The following MCPH1 variants were observed in gnomAD, a reference collection of about 807,000 sequenced individuals.
MCPH1 encodes microcephalin 1.
In MCPH1, 104 loss-of-function variants were observed where a neutral mutation model predicts 84.5. The observed-to-expected ratio is 1.23, with a 90% CI of 1.05 to 1.45. The LOEUF is 1.45. Ranked by LOEUF, MCPH1 falls within the 40% of genes most tolerant of loss-of-function variation. The pLI, the probability that MCPH1 is intolerant of heterozygous loss-of-function variation, is 0.00. For synonymous variants in MCPH1, 514 were observed against 366.8 expected (o/e 1.40, Z -4.58); for missense variants, 1,498 against 1,005.7 (o/e 1.49, Z -6.62).
At chr8:6,541,707 C>T (rs564194783) in intron 12 of MCPH1, among the ~76,000 whole-genome samples, 151 of 152,230 alleles carry the variant, frequency 9.9e-4, no homozygotes, top group African/African-American at 3.5e-3. Context: ...CTTTTTAAAA[C>T]TGTACTGAAT....
At chr8:6,623,393 T>C (rs971000486) in intron 13 of MCPH1, among the ~76,000 whole-genome samples, 24 of 152,170 alleles carry the variant, frequency 1.6e-4, no homozygotes, top group African/African-American at 2.4e-5. Flanking sequence ...TCTTTTTCTC[T>C]CTCTTTGCTT....
At chr8:6,569,667 T>C (rs944110820) in intron 12 of MCPH1, among the ~76,000 whole-genome samples, 4 of 152,228 alleles carry the variant, frequency 2.6e-5, no homozygotes, top group African/African-American at 9.6e-5. Context: ...CAAGTGCCTG[T>C]GTGTGTCTGT....
chr8:6,488,118 C>G (rs1810148126), intron 11 of MCPH1, among the ~76,000 whole-genome samples: 1 of 152,230 alleles, frequency 6.6e-6, no homozygotes, highest in African/African-American at 2.4e-5. Context: ...TGAGCAGTGC[C>G]AGAGCTCATT....
intron 8 of MCPH1, among the ~76,000 whole-genome samples, chr8:6,453,304 G>C (rs1805294147): frequency 9.1e-6 from 1 of 109,390 alleles, no homozygotes; most frequent in South Asian, 3.9e-4. Context: ...GTGTGGCAGA[G>C]TTTATGAAAT....
intron 12 of MCPH1, among the ~76,000 whole-genome samples, chr8:6,609,944 A>G (rs1830125678): frequency 6.6e-6 from 1 of 151,316 alleles, no homozygotes; most frequent in African/African-American, 2.4e-5. Flanking sequence ...GTTCTTTGGC[A>G]GTTCTCTCAA....
intron 12 of MCPH1, among the ~76,000 whole-genome samples, chr8:6,600,168 C>T (rs1829247239): frequency 6.6e-6 from 1 of 152,236 alleles, no homozygotes. Context: ...AAGGATTAGG[C>T]CAGGACATTG....
At chr8:6,445,690 C>A in intron 8 of MCPH1, 143 bp downstream of exon 8, 1 of 1,435,156 alleles carries the variant, frequency 7.0e-7, no homozygotes, top group South Asian at 1.6e-5. Context: ...TTTGATCATT[C>A]CAATGATAAA....
At chr8:6,502,102 T>C (rs1812308962) in intron 12 of MCPH1, 3 of 152,132 alleles carry the variant, frequency 2.0e-5, no homozygotes, top group Admixed American at 6.6e-5. Flanking sequence ...TAAAAATATA[T>C]CTTACTAGGA....
intron 4 of MCPH1, among the ~76,000 whole-genome samples, chr8:6,433,763 G>A (rs966995562): frequency 6.7e-6 from 1 of 149,388 alleles, no homozygotes; most frequent in African/African-American, 2.5e-5. Flanking sequence ...TAATTTTCAT[G>A]TCTAAAAACC....
At chr8:6,581,376 C>T (rs747310227) in intron 12 of MCPH1, among the ~76,000 whole-genome samples, 8 of 152,192 alleles carry the variant, frequency 5.3e-5, no homozygotes, top group Non-Finnish European at 8.8e-5. Context: ...TTTCCATCCA[C>T]AAATCCAATG....
chr8:6,528,965 T>G (rs1307847025), intron 12 of MCPH1, among the ~76,000 whole-genome samples: 1 of 152,210 alleles, frequency 6.6e-6, no homozygotes, highest in African/African-American at 2.4e-5. Flanking sequence ...GAATATACAT[T>G]TGGCCTACGT....
chr8:6,594,339 G>C (rs1828755099), intron 12 of MCPH1, among the ~76,000 whole-genome samples: 1 of 152,196 alleles, frequency 6.6e-6, no homozygotes, highest in African/African-American at 2.4e-5. Flanking sequence ...CTGGACCCTG[G>C]GAGTCACAGC....
At chr8:6,519,888 G>C (rs1283055006) in intron 12 of MCPH1, 1 of 1,614,044 alleles carries the variant, frequency 6.2e-7, no homozygotes, top group Non-Finnish European at 8.5e-7. Context: ...TAGAATTAGG[G>C]AATGTTAACG....
At chr8:6,407,597 A>G (rs1345713731) in intron 1 of MCPH1, among the ~76,000 whole-genome samples, 1 of 152,220 alleles carries the variant, frequency 6.6e-6, no homozygotes, top group African/African-American at 2.4e-5. Context: ...ATAAAACCTC[A>G]TAGCCAAAAG....
rs1290868712 is a variant in MCPH1 at position 6,560,297 on chromosome 8, T to C, written c.2214+60368T>C. ...AGAATTGTGCTGCTGCTTTCTGTGC[T>C]AATTAAATCAGTGGGTGTTAGGTTG... On this transcript the variant is annotated intron_variant, in intron 12 of 13. Transcript: ENST00000344683. Among the ~76,000 whole-genome samples the C allele has an allele frequency of 3.3e-5, 5 of 152,340 alleles. No individual in the cohort carries two copies. The East Asian group carries it at 9.6e-4, about 29-fold the overall frequency.
chr8:6,562,962 T>G, intron 12 of MCPH1: 1 of 1,555,528 alleles, frequency 6.4e-7, no homozygotes, highest in Non-Finnish European at 8.8e-7. Context: ...ACCAGCAGCT[T>G]AGCAAACTTG....
intron 12 of MCPH1, among the ~76,000 whole-genome samples, chr8:6,587,799 A>T (rs1195460920): frequency 6.6e-6 from 1 of 152,214 alleles, no homozygotes; most frequent in East Asian, 1.9e-4. Flanking sequence ...ACATGGACTA[A>T]GTTAAAGGAT....
At chr8:6,625,135 A>C in intron 13 of MCPH1, 1 of 960,504 alleles carries the variant, frequency 1.0e-6, no homozygotes, top group Non-Finnish European at 1.2e-6. Context: ...TCGGCCTCCC[A>C]AAGTGCTGGG....
In MCPH1 at chr8:6,519,913, G is replaced by A. The variant is rs201656196; in HGVS notation, c.2214+19984G>A. ...GAATGTTAACGTGTAGATGCCATTC[G>A]TGGTGTGTCCTGATTTGAATACTTC... On this transcript the variant is annotated intron_variant, in intron 12 of 13. Transcript: ENST00000344683. 17 of 1,613,866 alleles carry A rather than the reference G, an allele frequency of 1.1e-5. No homozygotes were observed. Among genetic ancestry groups the A allele is most frequent in the Middle Eastern group, 3.3e-4 (2 of 6,060 alleles).
Sources: gnomAD v4.1 joint callset for allele counts (sites outside exome capture counted in the v4.1 genomes callset) on GRCh38, gnomAD v4.1.1 for gene constraint, MANE v1.5 for transcripts, NCBI Gene and HGNC (gene_info 2026-07-23, HGNC 2026-07-21) for gene names.